The following HERC1 variants were observed in gnomAD, a reference collection of about 807,000 sequenced individuals.
The protein encoded by HERC1 is HECT and RLD domain containing E3 ubiquitin protein ligase family member 1.
HERC1 carries 160 observed loss-of-function variants against 554.3 expected under a neutral mutation model. The ratio of observed to expected loss-of-function variants is 0.29; its 90% CI spans 0.25 to 0.33. HERC1 has a LOEUF of 0.33. HERC1 is among the 10% of genes least tolerant of loss of function. The pLI, the probability that HERC1 is intolerant of heterozygous loss-of-function variation, is 1.00. For missense variants in HERC1, 4,919 were observed against 5,918.5 expected, an observed-to-expected ratio of 0.83 and a Z score of 5.54; for synonymous variants, 2,175 against 2,131.7, an observed-to-expected ratio of 1.02 and a Z score of -0.56.
At chr15:63,619,387 A>T (rs2067967634) in intron 74 of HERC1, among the ~76,000 whole-genome samples, 1 of 152,130 alleles carries the variant, frequency 6.6e-6, no homozygotes, top group Admixed American at 6.6e-5. Flanking sequence ...GTGTTGCTGG[A>T]TTCGGTTTGC....
rs1030073281 is a variant in HERC1 at position 63,756,073 on chromosome 15, T to A, written c.1533+364A>T. On this transcript the variant is annotated intron_variant, in intron 5 of 77. Coordinates refer to ENST00000443617, the MANE Select transcript of HERC1 (RefSeq NM_003922.4). The surrounding 1 kb of genome is among the most constrained non-coding windows in gnomAD (Gnocchi z 5.0). Reference sequence around the variant, plus strand: ...TATGCTTGTTAACTTATTATCTCTATCCTGAAGACTAAAGGATTAAAGTAG... The same window carrying A: ...TATGCTTGTTAACTTATTATCTCTAACCTGAAGACTAAAGGATTAAAGTAG... 1.3e-5 allele frequency among the ~76,000 whole-genome samples: 2 copies of A among 152,166 alleles called. No homozygotes were observed. Among genetic ancestry groups the A allele is most frequent in the African/African-American group, 4.8e-5 (2 of 41,442 alleles).
chr15:63,821,597 A>T (rs1160744855), intron 1 of HERC1, among the ~76,000 whole-genome samples: 2 of 149,998 alleles, frequency 1.3e-5, no homozygotes, highest in Non-Finnish European at 3.0e-5. Flanking sequence ...GTGGTTGTGC[A>T]CGCCTGCAGT....
At chr15:63,830,989 A>G (rs370761354) in intron 1 of HERC1, among the ~76,000 whole-genome samples, 31 of 152,318 alleles carry the variant, frequency 2.0e-4, no homozygotes, top group East Asian at 1.7e-3. Flanking sequence ...TTCTCTGTAA[A>G]TGATTTGACC....
Position 63,725,375 on chromosome 15 carries a change from A to G in HERC1, c.3485T>C (p.Val1162Ala), listed in dbSNP as rs937717117. 6.2e-7 allele frequency: 1 copy of G among 1,613,970 alleles called. No homozygotes were observed. Among genetic ancestry groups the G allele is most frequent in the Non-Finnish European group, 8.5e-7 (1 of 1,179,860 alleles). ...TGCAGTGTCCTGTTCCTCTGGAGAC[A>G]CAGGGGAGCCCTGAAGCATGCCACC... ...CLGGMLQGSP[V>A]SPEEQDTAYW... Residue 1162 changes from valine to alanine, a missense_variant, in exon 18 of 78, where the codon GTG becomes GCG. Coordinates refer to ENST00000443617, the MANE Select transcript of HERC1 (RefSeq NM_003922.4).
chr15:63,699,023 T>A, intron 25 of HERC1, 27 bp from the exon 26 acceptor site: 1 of 1,566,634 alleles, frequency 6.4e-7, no homozygotes, highest in Non-Finnish European at 8.7e-7. Flanking sequence ...TAAACATATA[T>A]CAATGGCAAT....
At position 63,699,009 on chromosome 15, in the gene HERC1, A is replaced by C; in HGVS notation, c.4637-13T>G. The C allele has an allele frequency of 1.9e-6, 3 of 1,595,616 alleles. No individual in the cohort carries two copies. Among genetic ancestry groups the C allele is most frequent in the Non-Finnish European group, 2.6e-6 (3 of 1,166,578 alleles). On this transcript the variant is annotated splice_polypyrimidine_tract_variant and intron_variant, in intron 25 of 77. Transcript: ENST00000443617. ...CTGTGCATAGGACCTATATACAAACAGAATAAACATATATCAATGGCAATC... is the reference window on the plus strand; with the variant it reads ...CTGTGCATAGGACCTATATACAAACCGAATAAACATATATCAATGGCAATC...
At chr15:63,786,775 G>C (rs1310993133) in intron 1 of HERC1, among the ~76,000 whole-genome samples, 1 of 152,152 alleles carries the variant, frequency 6.6e-6, no homozygotes, top group African/African-American at 2.4e-5. Context: ...GGAGAAACTG[G>C]TAAGATTTTA....
chr15:63,746,111 AG>A (rs2075044866), intron 12 of HERC1, among the ~76,000 whole-genome samples: 1 of 151,922 alleles, frequency 6.6e-6, no homozygotes, highest in Admixed American at 6.6e-5. Context: ...TTCTTAAGGT[AG>A]AAGGTTAAAT....
intron 1 of HERC1, among the ~76,000 whole-genome samples, chr15:63,831,733 T>G (rs1309842076): frequency 6.6e-6 from 1 of 152,196 alleles, no homozygotes; most frequent in African/African-American, 2.4e-5. Context: ...TTATTACTAT[T>G]TATTATTTGC....
At chr15:63,696,066 T>G in intron 27 of HERC1, 58 bp downstream of exon 27, 1 of 1,279,476 alleles carries the variant, frequency 7.8e-7, no homozygotes, top group South Asian at 1.3e-5. Flanking sequence ...TTCACATTAT[T>G]AAAGTGGCTT....
Position 63,747,765 on chromosome 15 carries a change from T to C in HERC1, c.2313A>G (p.Lys771=). 1 of 1,550,590 alleles carries C rather than the reference T, an allele frequency of 6.4e-7. No homozygotes were observed. The change falls in exon 11 of 78, where the codon AAA becomes AAG. Residue 771 remains lysine (K), a synonymous_variant. Transcript: ENST00000443617. Reference sequence around the variant, plus strand: ...GGAGTGGGGGAATCTCACTGTTTATTTTATCACAGTATCTCTCAAGAAAAG... The same window carrying C: ...GGAGTGGGGGAATCTCACTGTTTATCTTATCACAGTATCTCTCAAGAAAAG... The part of the protein sequence containing the change: ...LRSFLERYCD[K]INSEIPPLPF...
Position 63,749,471 on chromosome 15 carries a change from A to G in HERC1, c.2115T>C (p.Pro705=), listed in dbSNP as rs763390207. 5 of 1,613,848 alleles carry G rather than the reference A, an allele frequency of 3.1e-6. No individual in the cohort carries two copies. Among genetic ancestry groups the G allele is most frequent in the African/African-American group, 2.7e-5 (2 of 75,062 alleles). Residue 705 remains proline (P), a synonymous_variant, in exon 10 of 78, where the codon CCT becomes CCC. Coordinates refer to ENST00000443617, the MANE Select transcript of HERC1 (RefSeq NM_003922.4). The surrounding 1 kb of genome is among the most constrained non-coding windows in gnomAD (Gnocchi z 4.1). ...CACTCACTTTCTTTGGTTTAGTAATAGGACCTGTGGAATTTCCCTGACCAC... is the reference window on the plus strand; with the variant it reads ...CACTCACTTTCTTTGGTTTAGTAATGGGACCTGTGGAATTTCCCTGACCAC... ...GQCGQGNSTG[P]ITKPKKVSGL... is the part of the protein sequence containing the mutation.
At chr15:63,745,410 G>A (rs563686251) in intron 12 of HERC1, among the ~76,000 whole-genome samples, 1 of 152,232 alleles carries the variant, frequency 6.6e-6, no homozygotes, top group Non-Finnish European at 1.5e-5. Context: ...TCAGTGGCAA[G>A]CCTTGCAGGA....
rs2071430335 is a variant in HERC1 at position 63,680,588 on chromosome 15, G to C, written c.6414C>G (p.Thr2138=). 6.2e-7 allele frequency: 1 copy of C among 1,613,726 alleles called. No individual in the cohort carries two copies. The highest frequency in any genetic ancestry group is 8.5e-7 in the Non-Finnish European group (1 of 1,179,718). The change falls in exon 35 of 78, where the codon ACC becomes ACG. Residue 2138 remains threonine (T), a synonymous_variant. Transcript: ENST00000443617. This position sits in a 1 kb window ranked among gnomAD's most constrained non-coding sequence, Gnocchi z 5.8. ...TCCTGGCTTCCATGTCTAACACACAGGTAATGAAATCTCCTTGAGTAAAGC... is the reference window on the plus strand; with the variant it reads ...TCCTGGCTTCCATGTCTAACACACACGTAATGAAATCTCCTTGAGTAAAGC... ...LSSFTQGDFI[T]CVLDMEARTI... is the part of the protein sequence containing the mutation.
At chr15:63,702,838 G>T (rs910303270) in intron 25 of HERC1, among the ~76,000 whole-genome samples, 4 of 152,170 alleles carry the variant, frequency 2.6e-5, no homozygotes, top group Admixed American at 2.6e-4. Flanking sequence ...GGGCATGGTG[G>T]CTCACGCCTG....
In HERC1 at chr15:63,622,842, G is replaced by T; in HGVS notation, c.13661C>A (p.Thr4554Asn). ...VDLLIPSPNA[T>N]AEVGYNRDRF... ...GTCCCTATTGTAACCCACTTCTGCG[G>T]TGGCATTGGGAGAGGGTATAAGAAG... is the stretch of plus-strand genomic sequence containing the variant. Residue 4554 changes from threonine (T) to asparagine (N), a missense_variant, in exon 74 of 78, where the codon ACC becomes AAC. Physicochemically the swap from Thr to Asn is moderately conservative, Grantham distance 65 (BLOSUM62 0). Coordinates refer to ENST00000443617, the MANE Select transcript of HERC1 (RefSeq NM_003922.4). 6.2e-7 allele frequency: 1 copy of T among 1,607,536 alleles called. No individual in the cohort carries two copies. The highest frequency in any genetic ancestry group is 1.7e-5 in the Admixed American group (1 of 58,902).
intron 43 of HERC1, 123 bp downstream of exon 43, chr15:63,664,347 G>T: frequency 2.6e-6 from 2 of 761,476 alleles, no homozygotes; most frequent in Non-Finnish European, 4.2e-6. Context: ...CCAAATAGCT[G>T]TTCTGTTAAT....
intron 55 of HERC1, among the ~76,000 whole-genome samples, chr15:63,647,332 T>TA (rs1271734839): frequency 7.3e-5 from 11 of 151,088 alleles, no homozygotes; most frequent in African/African-American, 2.2e-4. Context: ...TGGTTATTAT[T>TA]AAAAAGACAA....
chr15:63,715,069 A>T (rs959161983), intron 22 of HERC1, among the ~76,000 whole-genome samples: 9 of 152,198 alleles, frequency 5.9e-5, no homozygotes, highest in African/African-American at 2.2e-4. Context: ...GGTTAAGAGA[A>T]TGGTCATTGG....
Sources: gnomAD v4.1 joint callset for allele counts (sites outside exome capture counted in the v4.1 genomes callset) on GRCh38, gnomAD v4.1.1 for gene constraint, Gnocchi (gnomAD v3.1) non-coding constraint, MANE v1.5 for transcripts, NCBI Gene and HGNC (gene_info 2026-07-23, HGNC 2026-07-21) for gene names.